The following ANGPTL5 variants were observed in gnomAD, a reference collection of about 807,000 sequenced individuals.
The protein encoded by ANGPTL5 is angiopoietin-related protein 5.
Under a neutral mutation model 39.4 loss-of-function variants are expected in ANGPTL5, and 34 were observed. The ratio of observed to expected loss-of-function variants is 0.86; its 90% CI spans 0.66 to 1.15. The LOEUF (loss-of-function observed/expected upper bound fraction) is 1.15, where lower values mean the gene tolerates loss of function less well. ANGPTL5 is among the 50% of genes most tolerant of loss of function. ANGPTL5 has a pLI of 0.00. For synonymous variants in ANGPTL5, 146 were observed against 152.1 expected, an observed-to-expected ratio of 0.96 and a Z score of 0.29; for missense variants, 467 against 457.5, an observed-to-expected ratio of 1.02 and a Z score of -0.19.
intron 4 of ANGPTL5, among the ~76,000 whole-genome samples, chr11:101,905,377 C>T (rs970255455): frequency 3.3e-5 from 5 of 152,154 alleles, no homozygotes; most frequent in African/African-American, 1.2e-4. Context: ...AGAAGTTTCC[C>T]CAGAATGGAA....
At chr11:101,898,949 T>C (rs1470605916) in intron 7 of ANGPTL5, among the ~76,000 whole-genome samples, 1 of 152,244 alleles carries the variant, frequency 6.6e-6, no homozygotes, top group Non-Finnish European at 1.5e-5. Context: ...ATTATGTTTA[T>C]TGATTTGCAT....
intron 1 of ANGPTL5, among the ~76,000 whole-genome samples, chr11:101,914,251 A>T (rs1940145107): frequency 6.6e-6 from 1 of 152,224 alleles, no homozygotes; most frequent in Non-Finnish European, 1.5e-5. Flanking sequence ...TACAGTCAGA[A>T]TTTATATATG....
chr11:101,907,998 A>C lies in ANGPTL5; in HGVS notation c.-89T>G. 1 of 964,408 alleles carries C rather than the reference A, an allele frequency of 1.0e-6. No individual in the cohort carries two copies. The allele number at this position is 964,408 out of a possible 1,614,324, so 59.7% of individuals were successfully genotyped here. A position where few individuals can be genotyped will look rare whatever the true frequency, so the allele number is the denominator to read the frequency against. The stretch of plus-strand genomic sequence containing the variant: ...CAGAGCATAGAGTCTTCAGTTAAAA[A>C]CCTCTGGAAAGCGTACAACAAAAAC... On this transcript the variant is annotated 5_prime_UTR_variant, in exon 2 of 9. Coordinates refer to ENST00000334289, the MANE Select transcript of ANGPTL5 (RefSeq NM_178127.5).
chr11:101,915,432 G>T, intron 1 of ANGPTL5: 1 of 1,595,860 alleles, frequency 6.3e-7, no homozygotes. Flanking sequence ...CCAGCCTGTG[G>T]CTGCCAGGGT....
intron 1 of ANGPTL5, 135 bp from the exon 2 acceptor site, chr11:101,908,136 A>G (rs1217813500): frequency 1.2e-5 from 5 of 431,668 alleles, no homozygotes; most frequent in Non-Finnish European, 2.1e-5. Context: ...TTCCTTTTTT[A>G]TCACTTCATG....
At position 101,905,844 on chromosome 11, in the gene ANGPTL5, T is replaced by C; in HGVS notation, c.245A>G (p.Asn82Ser). 6.4e-7 allele frequency: 1 copy of C among 1,557,986 alleles called. No homozygotes were observed. Among genetic ancestry groups the C allele is most frequent in the Non-Finnish European group, 8.8e-7 (1 of 1,130,960 alleles). ...TREEKHFMCR[N>S]LQNSIVSYTR... is the part of the protein sequence containing the mutation. ...GTAGGAAACAATAGAATTTTGCAAA[T>C]TTCCTTAACCATAATAAAAAGTGGC... The change falls in exon 4 of 9, where the codon AAT (asparagine) becomes AGT (serine). Residue 82 changes from asparagine (N) to serine (S), a missense_variant. Coordinates refer to ENST00000334289, the MANE Select transcript of ANGPTL5 (RefSeq NM_178127.5).
At chr11:101,899,041 T>G (rs1332650551) in intron 7 of ANGPTL5, among the ~76,000 whole-genome samples, 2 of 152,028 alleles carry the variant, frequency 1.3e-5, no homozygotes, top group East Asian at 1.9e-4. Flanking sequence ...CTGGATTCAG[T>G]TTTCCAGTAT....
Position 101,916,077 on chromosome 11 carries a change from T to C in ANGPTL5, c.-151A>G, listed in dbSNP as rs1243823057. 1 of 152,260 alleles carries C rather than the reference T, an allele frequency of 6.6e-6. No individual in the cohort carries two copies. The highest frequency in any genetic ancestry group is 1.5e-5 in the Non-Finnish European group (1 of 68,052). 9.4% of individuals were successfully genotyped at this position (152,260 alleles called of 1,614,324 possible). Reference sequence around the variant, plus strand: ...TGGAAAGAGGAGAAGTATTTTGTTATCAAAATCTGTAAATCAGGTTTATTC... The same window carrying C: ...TGGAAAGAGGAGAAGTATTTTGTTACCAAAATCTGTAAATCAGGTTTATTC... On this transcript the variant is annotated 5_prime_UTR_variant, in exon 1 of 9. Transcript: ENST00000334289.
rs1340136805 is a variant in ANGPTL5 at position 101,907,083 on chromosome 11, T to C, written c.241+20A>G. 1 of 1,491,200 alleles carries C rather than the reference T, an allele frequency of 6.7e-7. No homozygotes were observed. The highest frequency in any genetic ancestry group is 9.2e-7 in the Non-Finnish European group (1 of 1,082,528). The allele number at this position is 1,491,200 out of a possible 1,614,324, so 92.4% of individuals were successfully genotyped here. On this transcript the variant is annotated intron_variant, in intron 3 of 8. Transcript: ENST00000334289. ...AATGAATCATATACTCTTATTATTT[T>C]GTTTATTTTTAATACTTACTACACA...
At chr11:101,893,780 A>G (rs1410717288) in intron 8 of ANGPTL5, among the ~76,000 whole-genome samples, 1 of 152,178 alleles carries the variant, frequency 6.6e-6, no homozygotes, top group Admixed American at 6.5e-5. Context: ...ACCTAATATC[A>G]CAAGTGTAAA....
Position 101,902,691 on chromosome 11 carries a change from A to G in ANGPTL5, c.470T>C (p.Ile157Thr), listed in dbSNP as rs372575734. 6.3e-5 allele frequency: 102 copies of G among 1,611,490 alleles called. No homozygotes were observed. The highest frequency in any genetic ancestry group is 7.6e-5 in the Non-Finnish European group (90 of 1,178,120). Reference protein sequence around the residue: ...GLDCTDIKDTIGSVTKTPSGL... With the variant: ...GLDCTDIKDTTGSVTKTPSGL... ...ACTCGGTGTTTTGGTGACAGAGCCA[A>G]TGGTATCCTTAATATCAGTGCAATC... Residue 157 changes from isoleucine to threonine, a missense_variant, in exon 6 of 9, where the codon ATT (isoleucine) becomes ACT (threonine). By Grantham distance (89) the Ile-to-Thr change is moderately conservative. Transcript: ENST00000334289.
At chr11:101,906,744 TA>T (rs1451792211) in intron 3 of ANGPTL5, among the ~76,000 whole-genome samples, 3 of 152,158 alleles carry the variant, frequency 2.0e-5, no homozygotes, top group African/African-American at 7.2e-5. Context: ...AAAATCTTGA[TA>T]TTTTTAATTC....
intron 1 of ANGPTL5, among the ~76,000 whole-genome samples, chr11:101,914,758 G>C (rs1940159349): frequency 6.6e-6 from 1 of 152,114 alleles, no homozygotes; most frequent in Non-Finnish European, 1.5e-5. Context: ...TGTATCTGAG[G>C]ATTTTACATC....
At chr11:101,908,898 ATAT>A (rs1274665631) in intron 1 of ANGPTL5, among the ~76,000 whole-genome samples, 1 of 152,184 alleles carries the variant, frequency 6.6e-6, no homozygotes, top group East Asian at 1.9e-4. Context: ...CAGAGAAATA[ATAT>A]TATTGAAAAT....
At chr11:101,906,841 T>C (rs1176128509) in intron 3 of ANGPTL5, among the ~76,000 whole-genome samples, 1 of 152,118 alleles carries the variant, frequency 6.6e-6, no homozygotes, top group Non-Finnish European at 1.5e-5. Flanking sequence ...TCTGTCTTAA[T>C]AGGTCTAAAG....
intron 1 of ANGPTL5, chr11:101,915,520 A>C: frequency 1.5e-6 from 2 of 1,355,608 alleles, no homozygotes; most frequent in Non-Finnish European, 2.0e-6. Context: ...AAAACTAGCA[A>C]GTCATCTTAG....
At chr11:101,900,698 G>C in intron 6 of ANGPTL5, 148 bp from the exon 7 acceptor site, 1 of 794,702 alleles carries the variant, frequency 1.3e-6, no homozygotes, top group Non-Finnish European at 2.0e-6. Context: ...AATTTATTCA[G>C]ATGTTTTTTA....
chr11:101,900,341 T>G, intron 7 of ANGPTL5, 89 bp downstream of exon 7: 1 of 1,354,842 alleles, frequency 7.4e-7, no homozygotes, highest in Non-Finnish European at 1.0e-6. Context: ...GCATTTGCTA[T>G]TTTTACTACA....
In ANGPTL5 at chr11:101,891,099, C is replaced by T. The variant is rs1255180147; in HGVS notation, c.*180G>A. Reference sequence around the variant, plus strand: ...GTCAGAAGTAAAAACATACAATAAGCCATGTTTTCTTTTATAGAATACTAC... The same window carrying T: ...GTCAGAAGTAAAAACATACAATAAGTCATGTTTTCTTTTATAGAATACTAC... On this transcript the variant is annotated 3_prime_UTR_variant, in exon 9 of 9. Transcript: ENST00000334289. The T allele has an allele frequency of 7.5e-6, 4 of 534,122 alleles. No individual in the cohort carries two copies. The highest frequency in any genetic ancestry group is 3.4e-5 in the Admixed American group (1 of 29,724). 33.1% of individuals were successfully genotyped at this position (534,122 alleles called of 1,614,324 possible). A position where few individuals can be genotyped will look rare whatever the true frequency, so the allele number is the denominator to read the frequency against.
Sources: allele counts gnomAD v4.1 joint callset (sites outside exome capture counted in the v4.1 genomes callset), GRCh38; gene constraint gnomAD v4.1.1; transcripts MANE v1.5; gene names NCBI Gene and HGNC (gene_info 2026-07-23, HGNC 2026-07-21).